The following ANAPC16 variants were observed in gnomAD, a reference collection of about 807,000 sequenced individuals.
The protein encoded by ANAPC16 is anaphase-promoting complex subunit 16.
Under a neutral mutation model 13.1 loss-of-function variants are expected in ANAPC16, and 6 were observed. The ratio of observed to expected loss-of-function variants is 0.46; its 90% CI spans 0.25 to 0.90. The LOEUF is 0.90. ANAPC16 is among the 40% of genes least tolerant of loss of function. ANAPC16 has a pLI of 0.18. For missense variants in ANAPC16, 113 were observed against 131.1 expected, an observed-to-expected ratio of 0.86 and a Z score of 0.67; for synonymous variants, 55 against 51.3, an observed-to-expected ratio of 1.07 and a Z score of -0.31.
chr10:72,232,144 C>T (rs1448277830), intron 3 of ANAPC16, among the ~76,000 whole-genome samples: 4 of 145,980 alleles, frequency 2.7e-5, no homozygotes, highest in Non-Finnish European at 5.9e-5. Context: ...TGAGATCACA[C>T]CATTGCACTC....
chr10:72,222,225 C>G (rs1017821825), intron 1 of ANAPC16, among the ~76,000 whole-genome samples: 6 of 147,556 alleles, frequency 4.1e-5, no homozygotes, highest in Non-Finnish European at 9.0e-5. Context: ...GGAGACCATC[C>G]TGGCCAACAT....
At chr10:72,217,913 A>G (rs556289121) in intron 1 of ANAPC16, among the ~76,000 whole-genome samples, 1 of 151,942 alleles carries the variant, frequency 6.6e-6, no homozygotes, top group South Asian at 2.1e-4. Context: ...CGGATTTGAG[A>G]GGCTTAATCA....
At chr10:72,225,745 CA>C (rs57406177) in intron 2 of ANAPC16, among the ~76,000 whole-genome samples, 1 of 151,896 alleles carries the variant, frequency 6.6e-6, no homozygotes, top group African/African-American at 2.4e-5. Flanking sequence ...ACTAAAAATA[CA>C]AAAAAATTAG....
rs942535916 is a variant in ANAPC16 at position 72,233,782 on chromosome 10, G to A, written c.*666G>A. 6.6e-6 allele frequency: 1 copy of A among 152,478 alleles called. No individual in the cohort carries two copies. Among genetic ancestry groups the A allele is most frequent in the Non-Finnish European group, 1.5e-5 (1 of 68,012 alleles). The allele number at this position is 152,478 out of a possible 1,614,324, so 9.4% of individuals were successfully genotyped here. A position where few individuals can be genotyped will look rare whatever the true frequency, so the allele number is the denominator to read the frequency against. Reference sequence around the variant, plus strand: ...GAAATCCTGAGTTCTTCTCATTGGTGGACTCAAGCAATTCTGTAGCAAATA... The same window carrying A: ...GAAATCCTGAGTTCTTCTCATTGGTAGACTCAAGCAATTCTGTAGCAAATA... On this transcript the variant is annotated 3_prime_UTR_variant, in exon 4 of 4. Coordinates refer to ENST00000299381, the MANE Select transcript of ANAPC16 (RefSeq NM_173473.4).
chr10:72,221,619 C>A (rs1048465358), intron 1 of ANAPC16, among the ~76,000 whole-genome samples: 2 of 132,614 alleles, frequency 1.5e-5, no homozygotes, highest in African/African-American at 5.7e-5. Flanking sequence ...ATGGAATGAT[C>A]TCAGCTCACT....
chr10:72,232,117 C>CA (rs1860329073), intron 3 of ANAPC16, among the ~76,000 whole-genome samples: 1 of 136,548 alleles, frequency 7.3e-6, no homozygotes, highest in Non-Finnish European at 1.5e-5. Flanking sequence ...ACCCAGGAGA[C>CA]AGAGGTTGCA....
At chr10:72,232,371 C>T (rs868860102) in intron 3 of ANAPC16, among the ~76,000 whole-genome samples, 4 of 151,518 alleles carry the variant, frequency 2.6e-5, no homozygotes, top group African/African-American at 2.4e-5. Flanking sequence ...ATGGTGAAAC[C>T]CCATCTCTAC....
At chr10:72,220,068 G>A (rs200923057) in intron 1 of ANAPC16, 8 of 151,962 alleles carry the variant, frequency 5.3e-5, no homozygotes, top group African/African-American at 1.7e-4. Context: ...AGTGGCTCAC[G>A]CCTGTAATCC....
In ANAPC16 at chr10:72,218,162, AAAAATATATATATATATATATATAT is replaced by A. The variant is rs1564789201; in HGVS notation, c.-28+2026_-28+2050del. 9.2e-4 allele frequency among the ~76,000 whole-genome samples: 27 copies of A among 29,290 alleles called. 1 individual carries two copies. Among genetic ancestry groups the A allele is most frequent in the Admixed American group, 3.5e-3 (6 of 1,724 alleles). 19.2% of individuals were successfully genotyped at this position (29,290 alleles called of 152,430 possible). On this transcript the variant is annotated intron_variant, in intron 1 of 3. Transcript: ENST00000299381. ...CTCTGTCTCAAAAAAAAAAAAAAAA[AAAAATATATATATATATATATATAT>A]ATATATATATATATATATATATATA...
intron 2 of ANAPC16, among the ~76,000 whole-genome samples, chr10:72,228,957 A>G (rs976067765): frequency 3.3e-5 from 5 of 152,242 alleles, no homozygotes; most frequent in South Asian, 2.1e-4. Flanking sequence ...CTTATAGCCT[A>G]TAATTCCCAC....
At chr10:72,220,735 C>T (rs1213706322) in intron 1 of ANAPC16, 2 of 125,194 alleles carry the variant, frequency 1.6e-5, no homozygotes, top group South Asian at 5.2e-4. Flanking sequence ...AAAAAAAACC[C>T]GAAAGAAAAA....
intron 2 of ANAPC16, 71 bp downstream of exon 2, chr10:72,224,127 A>C (rs1860040877): frequency 5.8e-6 from 8 of 1,383,838 alleles, no homozygotes; most frequent in Middle Eastern, 2.1e-4. Context: ...AGAAGCTATT[A>C]AGTGGATTAA....
chr10:72,231,276 G>A (rs925333942), intron 3 of ANAPC16, among the ~76,000 whole-genome samples: 1 of 152,116 alleles, frequency 6.6e-6, no homozygotes, highest in Admixed American at 6.5e-5. Context: ...AGTAGCTCAT[G>A]CCTCTAATCC....
At chr10:72,217,092 A>G in intron 1 of ANAPC16, 1 of 453,992 alleles carries the variant, frequency 2.2e-6, no homozygotes, top group South Asian at 1.6e-5. Context: ...AGCACAGTGG[A>G]AACACTGCCC....
chr10:72,233,828 A>G lies in ANAPC16; in HGVS notation c.*712A>G, dbSNP rs927576818. ...AAATAAATCCTTTGAAAGAGCTCCA[A>G]ATTGGTGGCATTATCCTTTCAAAAT... On this transcript the variant is annotated 3_prime_UTR_variant, in exon 4 of 4. Coordinates refer to ENST00000299381, the MANE Select transcript of ANAPC16 (RefSeq NM_173473.4). The G allele has an allele frequency of 2.0e-5, 3 of 152,592 alleles. No homozygotes were observed. In the Admixed American group the frequency reaches 2.0e-4, roughly 10 times the overall value. 9.5% of individuals were successfully genotyped at this position (152,592 alleles called of 1,614,324 possible).
intron 2 of ANAPC16, among the ~76,000 whole-genome samples, chr10:72,229,727 C>T (rs925667464): frequency 6.6e-6 from 1 of 152,078 alleles, no homozygotes; most frequent in Non-Finnish European, 1.5e-5. Context: ...CTGAGTTGGC[C>T]ACTTCTTGTT....
At chr10:72,221,547 CTTTTTTTTTTTTT>C (rs910872494) in intron 1 of ANAPC16, among the ~76,000 whole-genome samples, 1 of 91,350 alleles carries the variant, frequency 1.1e-5, no homozygotes, top group African/African-American at 4.9e-5. Context: ...TTTTTCTTTT[CTTTTTTTTTTTTT>C]TTTTTTTTTT....
intron 2 of ANAPC16, among the ~76,000 whole-genome samples, chr10:72,228,807 T>C (rs1037757909): frequency 3.3e-5 from 5 of 152,240 alleles, no homozygotes; most frequent in African/African-American, 9.6e-5. Flanking sequence ...GTTTAGCTTA[T>C]ATCCTTTTGC....
intron 3 of ANAPC16, 148 bp from the exon 4 acceptor site, chr10:72,232,853 C>T (rs919242178): frequency 8.0e-6 from 5 of 622,508 alleles, no homozygotes; most frequent in Middle Eastern, 5.4e-4. Flanking sequence ...ATCCGCCCGC[C>T]TCGGCCTCCC....
Sources: allele counts gnomAD v4.1 joint callset (sites outside exome capture counted in the v4.1 genomes callset), GRCh38; gene constraint gnomAD v4.1.1; transcripts MANE v1.5; gene names NCBI Gene and HGNC (gene_info 2026-07-23, HGNC 2026-07-21).